The following GAD2 variants were observed in gnomAD, a reference collection of about 807,000 sequenced individuals.
GAD2 encodes the protein glutamate decarboxylase 2, also known as 65 kDa glutamic acid decarboxylase.
In GAD2, 22 loss-of-function variants were observed where a neutral mutation model predicts 80.1. The ratio of observed to expected loss-of-function variants is 0.27; its 90% CI spans 0.20 to 0.39. The LOEUF is 0.39. Ranked by LOEUF, GAD2 falls within the 10% of genes least tolerant of loss-of-function variation. The pLI is 1.00. For missense variants in GAD2, 624 were observed against 738.4 expected (o/e 0.85, Z 1.80); for synonymous variants, 274 against 256.9 (o/e 1.07, Z -0.64).
In GAD2 at chr10:26,244,596, T is replaced by A. The variant is rs540597793; in HGVS notation, c.841-1325T>A. ...ACACATGCTACAACATGGATGAACC[T>A]TGAGGACATTATACTAAGTTAAACC... On this transcript the variant is annotated intron_variant, in intron 7 of 15. Transcript: ENST00000376261. Among the ~76,000 whole-genome samples the A allele has an allele frequency of 5.0e-4, 76 of 152,318 alleles. 1 individual carries two copies. The South Asian group carries it at 0.014, about 28-fold the overall frequency.
At chr10:26,294,462 A>G (rs1312836482) in intron 15 of GAD2, among the ~76,000 whole-genome samples, 6 of 152,244 alleles carry the variant, frequency 3.9e-5, no homozygotes, top group African/African-American at 1.4e-4. Context: ...AATCCTGGCC[A>G]TACATTAGAA....
At chr10:26,269,267 C>G in intron 9 of GAD2, 94 bp downstream of exon 9, 1 of 1,019,324 alleles carries the variant, frequency 9.8e-7, no homozygotes, top group Non-Finnish European at 1.5e-6. Context: ...AAAAGAGGAT[C>G]CAAGCCTCAA....
At chr10:26,243,907 T>C (rs930305913) in intron 7 of GAD2, among the ~76,000 whole-genome samples, 2 of 152,222 alleles carry the variant, frequency 1.3e-5, no homozygotes, top group Non-Finnish European at 2.9e-5. Context: ...CTGGAGCTGG[T>C]TGATGTATTG....
At chr10:26,281,668 G>T (rs1442236821) in intron 12 of GAD2, among the ~76,000 whole-genome samples, 2 of 152,132 alleles carry the variant, frequency 1.3e-5, no homozygotes, top group Non-Finnish European at 2.9e-5. Context: ...CAGCATCAAT[G>T]AGCACTTTCA....
intron 8 of GAD2, among the ~76,000 whole-genome samples, chr10:26,246,724 C>A (rs1844814799): frequency 6.6e-6 from 1 of 152,212 alleles, no homozygotes; most frequent in Non-Finnish European, 1.5e-5. Flanking sequence ...TCTAGAAAAG[C>A]ACCATACGTT....
At chr10:26,289,280 A>G (rs935467979) in intron 13 of GAD2, among the ~76,000 whole-genome samples, 3 of 152,172 alleles carry the variant, frequency 2.0e-5, no homozygotes, top group Non-Finnish European at 4.4e-5. Flanking sequence ...CCCCACAGGA[A>G]TGAGGAAACA....
At chr10:26,261,391 CT>C (rs1185809510) in intron 8 of GAD2, among the ~76,000 whole-genome samples, 1 of 151,992 alleles carries the variant, frequency 6.6e-6, no homozygotes, top group Non-Finnish European at 1.5e-5. Flanking sequence ...TCCTTCTTTC[CT>C]TGTAAAATGC....
intron 8 of GAD2, among the ~76,000 whole-genome samples, chr10:26,249,752 C>A (rs1007766593): frequency 2.6e-5 from 4 of 152,202 alleles, no homozygotes; most frequent in African/African-American, 7.2e-5. Flanking sequence ...GAACAAGGGG[C>A]CTGCCTGAGG....
In GAD2 at chr10:26,281,083, A is replaced by G. The variant is rs767281811; in HGVS notation, c.1232A>G (p.Glu411Gly). 1 of 1,609,432 alleles carries G rather than the reference A, an allele frequency of 6.2e-7. No individual in the cohort carries two copies. The highest frequency in any genetic ancestry group is 8.5e-7 in the Non-Finnish European group (1 of 1,175,984). Residue 411 changes from glutamate to glycine, a missense_variant, in exon 12 of 16, where the codon GAA becomes GGA. By Grantham distance (98) the Glu-to-Gly change is moderately conservative. Coordinates refer to ENST00000376261, the MANE Select transcript of GAD2 (RefSeq NM_001134366.2). The part of the protein sequence containing the change: ...PLQCSALLVR[E>G]EGLMQNCNQM... The stretch of plus-strand genomic sequence containing the variant: ...CAGTGCTCTGCTCTCCTGGTTAGAG[A>G]AGAGGTATGTCTCTCTTGACTCTGT...
intron 8 of GAD2, among the ~76,000 whole-genome samples, chr10:26,258,569 T>C (rs1844971345): frequency 6.6e-6 from 1 of 152,106 alleles, no homozygotes; most frequent in Non-Finnish European, 1.5e-5. Context: ...CCAGGAAACG[T>C]CCACTCCACT....
intron 11 of GAD2, among the ~76,000 whole-genome samples, chr10:26,274,097 A>T (rs1845170114): frequency 1.3e-5 from 2 of 150,700 alleles, no homozygotes; most frequent in African/African-American, 2.5e-5. Flanking sequence ...TCCACTGCTT[A>T]AAAAAAATAA....
At chr10:26,270,437 G>A (rs557823204) in intron 9 of GAD2, among the ~76,000 whole-genome samples, 1 of 152,170 alleles carries the variant, frequency 6.6e-6, no homozygotes, top group Non-Finnish European at 1.5e-5. Flanking sequence ...ACACAGTCAG[G>A]TCCAACAGCA....
At chr10:26,219,789 T>G (rs1844431024) in intron 4 of GAD2, among the ~76,000 whole-genome samples, 1 of 152,208 alleles carries the variant, frequency 6.6e-6, no homozygotes, top group African/African-American at 2.4e-5. Context: ...CCTTTCAGAT[T>G]TGAATTCAGA....
chr10:26,231,950 G>A (rs756017629), intron 7 of GAD2, among the ~76,000 whole-genome samples: 6 of 152,114 alleles, frequency 3.9e-5, no homozygotes, highest in Non-Finnish European at 8.8e-5. Flanking sequence ...GCAATCCCCC[G>A]TCTCAACCTT....
intron 4 of GAD2, among the ~76,000 whole-genome samples, chr10:26,222,466 C>T (rs551238556): frequency 6.6e-6 from 1 of 151,756 alleles, no homozygotes; most frequent in South Asian, 2.1e-4. Context: ...GTGATTTCAG[C>T]TGCGAGCATA....
At chr10:26,222,207 C>T (rs1405392124) in intron 4 of GAD2, among the ~76,000 whole-genome samples, 1 of 152,022 alleles carries the variant, frequency 6.6e-6, no homozygotes, top group East Asian at 1.9e-4. Flanking sequence ...TCACTGTTTA[C>T]GGAAAGTTAT....
intron 8 of GAD2, among the ~76,000 whole-genome samples, chr10:26,251,451 G>A (rs75821678): frequency 0.026 from 3,929 of 152,212 alleles, 151 homozygotes; most frequent in African/African-American, 0.089. Context: ...AAGTAATGGC[G>A]CCTGCTTCAT....
At chr10:26,279,274 G>T (rs922811984) in intron 11 of GAD2, among the ~76,000 whole-genome samples, 4 of 152,110 alleles carry the variant, frequency 2.6e-5, no homozygotes, top group Admixed American at 2.6e-4. Flanking sequence ...AGAATCTGGG[G>T]CCTTAAAAAA....
At chr10:26,236,270 AT>A (rs1349681780) in intron 7 of GAD2, among the ~76,000 whole-genome samples, 9 of 149,814 alleles carry the variant, frequency 6.0e-5, no homozygotes, top group African/African-American at 2.2e-4. Context: ...GAGCCACCAC[AT>A]CTTCAGAAAG....
Sources: gnomAD v4.1 joint callset for allele counts (sites outside exome capture counted in the v4.1 genomes callset) on GRCh38, gnomAD v4.1.1 for gene constraint, MANE v1.5 for transcripts, NCBI Gene and HGNC (gene_info 2026-07-23, HGNC 2026-07-21) for gene names.